Variants in MYO10 observed in about 807,000 individuals in gnomAD.
MYO10 encodes unconventional myosin-X.
MYO10 carries 133 observed loss-of-function variants against 257.3 expected under a neutral mutation model. That is an observed-to-expected ratio of 0.52 (90% confidence interval 0.45 to 0.60). MYO10 has a LOEUF of 0.60. Ranked by LOEUF, MYO10 falls within the 20% of genes least tolerant of loss-of-function variation. The pLI is 0.00. For missense variants in MYO10, 2,399 were observed against 2,635.7 expected (o/e 0.91, Z 1.97); for synonymous variants, 1,104 against 1,028.6 (o/e 1.07, Z -1.40).
intron 9 of MYO10, 55 bp from the exon 10 acceptor site, chr5:16,769,258 T>G: frequency 6.7e-7 from 1 of 1,501,100 alleles, no homozygotes; most frequent in Non-Finnish European, 8.9e-7. Context: ...CTGAAGAAAA[T>G]GTAGAATATC....
At chr5:16,815,081 G>C (rs1476645802) in intron 3 of MYO10, 4 of 180,050 alleles carry the variant, frequency 2.2e-5, no homozygotes, top group Non-Finnish European at 4.6e-5. Flanking sequence ...GTAATCCCAG[G>C]TACTCAGGAG....
chr5:16,759,545 G>A (rs1740636030), intron 17 of MYO10, among the ~76,000 whole-genome samples: 1 of 152,148 alleles, frequency 6.6e-6, no homozygotes, highest in Non-Finnish European at 1.5e-5. Flanking sequence ...AACAGCCCCA[G>A]CTCCTCGGTT....
At chr5:16,906,370 C>A in intron 1 of MYO10, among the ~76,000 whole-genome samples, 1 of 152,162 alleles carries the variant, frequency 6.6e-6, no homozygotes, top group South Asian at 2.1e-4. Context: ...ATCCTGAGGA[C>A]GGTAGGAAGT....
Position 16,666,664 on chromosome 5 carries a change from G to C in MYO10, c.*28C>G, listed in dbSNP as rs759286713. 9.0e-6 allele frequency: 14 copies of C among 1,561,278 alleles called. No individual in the cohort carries two copies. The Admixed American group carries it at 1.7e-4, about 19-fold the overall frequency. On this transcript the variant is annotated 3_prime_UTR_variant, in exon 41 of 41. Coordinates refer to ENST00000513610, the MANE Select transcript of MYO10 (RefSeq NM_012334.3). ...GGCCAGAGGGTGGTGCGTTCAGGTA[G>C]CAAAGACAGGTGGGCTCTGTCCCGC...
intron 21 of MYO10, among the ~76,000 whole-genome samples, chr5:16,708,249 G>C (rs184107316): frequency 6.6e-6 from 1 of 152,240 alleles, no homozygotes; most frequent in Non-Finnish European, 1.5e-5. Flanking sequence ...AATCCATAGG[G>C]ATCTCTCTCC....
intron 26 of MYO10, 125 bp from the exon 27 acceptor site, chr5:16,694,739 A>G (rs2126532134): frequency 7.9e-7 from 1 of 1,269,926 alleles, no homozygotes; most frequent in East Asian, 2.3e-5. Flanking sequence ...GCAGCACCGC[A>G]GAGACCCCTC....
At chr5:16,668,859 G>A (rs1222309674) in intron 39 of MYO10, among the ~76,000 whole-genome samples, 1 of 152,152 alleles carries the variant, frequency 6.6e-6, no homozygotes, top group Non-Finnish European at 1.5e-5. Context: ...AATATCTCCA[G>A]TTCTGCCTCC....
intron 4 of MYO10, among the ~76,000 whole-genome samples, chr5:16,787,359 T>C (rs1007033032): frequency 6.6e-6 from 1 of 151,984 alleles, no homozygotes; most frequent in Non-Finnish European, 1.5e-5. Flanking sequence ...ACTCACAAAC[T>C]GCTAAAACCC....
At chr5:16,855,943 A>C (rs1016339488) in intron 2 of MYO10, among the ~76,000 whole-genome samples, 1 of 152,192 alleles carries the variant, frequency 6.6e-6, no homozygotes, top group African/African-American at 2.4e-5. Context: ...ATTATCCCAA[A>C]ATGATTCCCA....
Position 16,668,463 on chromosome 5 carries a change from C to T in MYO10, c.5889G>A (p.Lys1963=), listed in dbSNP as rs1439503551. Residue 1963 remains lysine (K), a synonymous_variant, in exon 40 of 41, where the codon AAG becomes AAA. Transcript: ENST00000513610. ...AGAGTTCCTGAGGGAAGCCACCTTC[C>T]TTGCACTGGTGGGCAAGAGTCAACA... is the stretch of plus-strand genomic sequence containing the variant. ...YGSTLFDVEC[K]EGGFPQELWL... 5.6e-6 allele frequency: 9 copies of T among 1,603,904 alleles called. No individual in the cohort carries two copies. Among genetic ancestry groups the T allele is most frequent in the Admixed American group, 3.4e-5 (2 of 58,022 alleles).
intron 2 of MYO10, among the ~76,000 whole-genome samples, chr5:16,848,071 T>C (rs938629502): frequency 3.3e-5 from 5 of 151,148 alleles, no homozygotes; most frequent in Non-Finnish European, 7.4e-5. Flanking sequence ...GTTCCCAAAG[T>C]GAATTAAGGT....
chr5:16,703,264 G>T, intron 22 of MYO10, 106 bp from the exon 23 acceptor site: 1 of 803,704 alleles, frequency 1.2e-6, no homozygotes. Flanking sequence ...CCCAGTTTTA[G>T]AATGAGACTC....
At chr5:16,901,633 C>T (rs1384056387) in intron 1 of MYO10, among the ~76,000 whole-genome samples, 2 of 152,044 alleles carry the variant, frequency 1.3e-5, no homozygotes, top group Non-Finnish European at 2.9e-5. Flanking sequence ...TTATAGAAAC[C>T]AATAATAAAA....
intron 2 of MYO10, among the ~76,000 whole-genome samples, chr5:16,834,101 C>G (rs1372994595): frequency 6.6e-6 from 1 of 152,070 alleles, no homozygotes; most frequent in African/African-American, 2.4e-5. Flanking sequence ...GGTTAACTCT[C>G]CTGGGGTCTG....
intron 9 of MYO10, among the ~76,000 whole-genome samples, chr5:16,776,039 G>A (rs764964474): frequency 4.6e-5 from 7 of 151,486 alleles, no homozygotes; most frequent in South Asian, 2.1e-4. Context: ...GGGTTTACAC[G>A]TGTGTGCCAC....
At chr5:16,901,297 T>A (rs565898408) in intron 1 of MYO10, among the ~76,000 whole-genome samples, 1 of 152,116 alleles carries the variant, frequency 6.6e-6, no homozygotes, top group Non-Finnish European at 1.5e-5. Context: ...CCTCCGTCAG[T>A]CAGCTTGCTG....
intron 1 of MYO10, among the ~76,000 whole-genome samples, chr5:16,935,231 T>C (rs971977737): frequency 6.6e-6 from 1 of 152,164 alleles, no homozygotes; most frequent in East Asian, 1.9e-4. Context: ...TCCCAGGGTC[T>C]GGAGTTATCC....
intron 19 of MYO10, among the ~76,000 whole-genome samples, chr5:16,746,958 T>C (rs1740214087): frequency 6.6e-6 from 1 of 152,210 alleles, no homozygotes; most frequent in African/African-American, 2.4e-5. Flanking sequence ...GTTTAAACCT[T>C]GTCATGTGGC....
chr5:16,704,523 AG>A (rs1018644573), intron 22 of MYO10, 55 bp downstream of exon 22: 1 of 1,456,020 alleles, frequency 6.9e-7, no homozygotes, highest in Non-Finnish European at 9.5e-7. Flanking sequence ...CACACTGGGA[AG>A]GAAGGACCCC....
Sources: allele counts gnomAD v4.1 joint callset (sites outside exome capture counted in the v4.1 genomes callset), GRCh38; gene constraint gnomAD v4.1.1; transcripts MANE v1.5; gene names NCBI Gene and HGNC (gene_info 2026-07-23, HGNC 2026-07-21).